TRPM4: variants seen among roughly 807,000 people sequenced by gnomAD.
TRPM4 encodes calcium-activated non-selective cation channel 1.
Under a neutral mutation model 135.6 loss-of-function variants are expected in TRPM4, and 124 were observed. The observed-to-expected ratio is 0.91, with a 90% CI of 0.79 to 1.06. TRPM4 has a LOEUF of 1.06. Among genes scored for constraint, TRPM4 ranks in the 50% least tolerant of loss-of-function variants. The pLI is 0.00. For synonymous variants in TRPM4, 745 were observed against 705.6 expected, an observed-to-expected ratio of 1.06 and a Z score of -0.88; for missense variants, 1,658 against 1,671.4, an observed-to-expected ratio of 0.99 and a Z score of 0.14.
chr19:49,182,237 T>TACCTTTCCATTCATCCATCCATCC (rs1568470573), intron 10 of TRPM4, among the ~76,000 whole-genome samples: 2 of 124,814 alleles, frequency 1.6e-5, no homozygotes, highest in African/African-American at 6.3e-5. Flanking sequence ...TCCATCCATC[T>TACCTTTCCATTCATCCATCCATCC]ATCCATCCAT....
intron 2 of TRPM4, among the ~76,000 whole-genome samples, chr19:49,165,622 G>A (rs1191572714): frequency 2.0e-5 from 3 of 152,084 alleles, no homozygotes; most frequent in Non-Finnish European, 2.9e-5. Context: ...GAAGCCGCTC[G>A]CCCAAAGTCA....
At chr19:49,170,535 A>G (rs1967413531) in intron 6 of TRPM4, among the ~76,000 whole-genome samples, 1 of 152,074 alleles carries the variant, frequency 6.6e-6, no homozygotes, top group African/African-American at 2.4e-5. Flanking sequence ...TGCTATCTTT[A>G]TGGTGCAATT....
At chr19:49,184,783 T>C (rs1347728648) in intron 12 of TRPM4, among the ~76,000 whole-genome samples, 1 of 151,856 alleles carries the variant, frequency 6.6e-6, no homozygotes, top group Non-Finnish European at 1.5e-5. Context: ...CCGGCCTCTG[T>C]AGTCTGTCTT....
At chr19:49,200,131 T>C (rs1248015223) in intron 17 of TRPM4, among the ~76,000 whole-genome samples, 169 bp from the exon 18 acceptor site, 2 of 152,172 alleles carry the variant, frequency 1.3e-5, no homozygotes, top group Admixed American at 6.5e-5. Context: ...GGGCCCTGCA[T>C]GGACCAGCTT....
In TRPM4 at chr19:49,171,745, G is replaced by A. The variant is rs778061419; in HGVS notation, c.1026G>A (p.Gly342=). The A allele has an allele frequency of 1.2e-6, 2 of 1,611,560 alleles. No individual in the cohort carries two copies. The highest frequency in any genetic ancestry group is 2.2e-5 in the East Asian group (1 of 44,870). The stretch of plus-strand genomic sequence containing the variant: ...GAATCAGGCGTTTCTTTCCCAAAGG[G>A]GACCTTGAGGTCCTGCAGGCCCAGG... ...RDRIRRFFPK[G]DLEVLQAQVE... The change falls in exon 8 of 25, where the codon GGG becomes GGA. Residue 342 remains glycine, a synonymous_variant. Transcript: ENST00000252826. This position sits in a 1 kb window ranked among gnomAD's most constrained non-coding sequence, Gnocchi z 4.7.
At chr19:49,193,142 A>G (rs988966599) in intron 16 of TRPM4, among the ~76,000 whole-genome samples, 7 of 145,028 alleles carry the variant, frequency 4.8e-5, no homozygotes, top group Admixed American at 7.1e-5. Flanking sequence ...GTGCAGTGGC[A>G]TGATCTCGGC....
intron 15 of TRPM4, 92 bp downstream of exon 15, chr19:49,190,412 GC>G: frequency 8.6e-7 from 1 of 1,166,166 alleles, no homozygotes; most frequent in Non-Finnish European, 1.3e-6. Flanking sequence ...TCCCTCATCG[GC>G]CCATTGTGTC....
intron 17 of TRPM4, 54 bp from the exon 18 acceptor site, chr19:49,200,246 T>C: frequency 1.9e-6 from 3 of 1,613,972 alleles, no homozygotes; most frequent in East Asian, 4.5e-5. Context: ...AAGACTTCCA[T>C]TTTCCTTGGC....
Position 49,188,740 on chromosome 19 carries a change from C to T in TRPM4, c.1843C>T (p.Leu615=), listed in dbSNP as rs532994978. 1.8e-4 allele frequency: 296 copies of T among 1,614,232 alleles called. 2 individuals are homozygous for T. The South Asian group carries it at 3.2e-3, about 17-fold the overall frequency. Residue 615 remains leucine, a synonymous_variant, in exon 13 of 25, where the codon CTG becomes TTG. Coordinates refer to ENST00000252826, the MANE Select transcript of TRPM4 (RefSeq NM_017636.4). The stretch of plus-strand genomic sequence containing the variant: ...TGAGGAGGCAGCACGGAGGAAAGAC[C>T]TGGCGTTCAAGTTTGAGGGGATGGG... ...DAEEAARRKD[L]AFKFEGMGVD... is the part of the protein sequence containing the mutation.
chr19:49,179,560 G>A (rs1257486615), intron 9 of TRPM4, among the ~76,000 whole-genome samples: 1 of 152,078 alleles, frequency 6.6e-6, no homozygotes, highest in Non-Finnish European at 1.5e-5. Flanking sequence ...GTGTTACCCA[G>A]GCTGGTCTCG....
chr19:49,187,690 C>T lies in TRPM4; in HGVS notation c.1744-951C>T, dbSNP rs371630318. Among the ~76,000 whole-genome samples the T allele has an allele frequency of 1.7e-4, 26 of 152,186 alleles. No homozygotes were observed. In the East Asian group the frequency reaches 3.9e-3, roughly 23 times the overall value. On this transcript the variant is annotated intron_variant, in intron 12 of 24. Transcript: ENST00000252826. ...AGTGTAATGGAGAAAGAGTAATTCG[C>T]GCAGAGCCGGCTGTGCGGGAGACCT...
Position 49,166,091 on chromosome 19 carries a change from C to T in TRPM4, c.143C>T (p.Ala48Val). ...CCCCGGACCGCCCACCCCGCAGTGG[C>T]CATGGAGGATGCCTTCGGGGCAGCC... ...GRPRTAHPAVAMEDAFGAAVV... is the reference protein window; with the variant it reads ...GRPRTAHPAVVMEDAFGAAVV... Residue 48 changes from alanine to valine, a missense_variant, in exon 3 of 25, where the codon GCC becomes GTC. This residue lies in a region of TRPM4 where 239 missense variants were observed against 240.1 expected (regional missense o/e 1.00). Coordinates refer to ENST00000252826, the MANE Select transcript of TRPM4 (RefSeq NM_017636.4). 6.2e-7 allele frequency: 1 copy of T among 1,603,928 alleles called. No homozygotes were observed. Among genetic ancestry groups the T allele is most frequent in the Non-Finnish European group, 8.5e-7 (1 of 1,176,332 alleles).
chr19:49,202,019 TC>T lies in TRPM4; in HGVS notation c.3011del (p.Pro1004LeufsTer119). ...SSEPGFWAHP[P>X]GAQAGTCVSQ... The stretch of plus-strand genomic sequence containing the variant: ...CGGAGCCCGGCTTCTGGGCACACCC[TC>T]CTGGGGCCCAGGCGGGCACCTGCGT... On this transcript the variant is annotated frameshift_variant, in exon 20 of 25. Coordinates refer to ENST00000252826, the MANE Select transcript of TRPM4 (RefSeq NM_017636.4). LOFTEE classifies it high-confidence loss of function. The T allele has an allele frequency of 6.2e-7, 1 of 1,613,720 alleles. No homozygotes were observed. The highest frequency in any genetic ancestry group is 8.5e-7 in the Non-Finnish European group (1 of 1,180,044).
rs142788545 is a variant in TRPM4, at chr19:49,168,558, G to A, written c.618G>A (p.Ser206=). 4,176 of 1,613,880 alleles carry A rather than the reference G, an allele frequency of 2.6e-3. 44 individuals carry two copies. The highest frequency in any genetic ancestry group is 0.021 in the South Asian group (1,870 of 91,084). The change falls in exon 6 of 25, where the codon TCG becomes TCA. Residue 206 remains serine, a synonymous_variant. Coordinates refer to ENST00000252826, the MANE Select transcript of TRPM4 (RefSeq NM_017636.4). Reference sequence around the variant, plus strand: ...TCTGGCCATTTTTCCCCTAGGGCTCGTTCCCTGCGAGGTACCGGTGGCGCG... The same window carrying A: ...TCTGGCCATTTTTCCCCTAGGGCTCATTCCCTGCGAGGTACCGGTGGCGCG... ...NRDTLINPKG[S]FPARYRWRGD...
In TRPM4 at chr19:49,211,106, G is replaced by T. The variant is rs765818541; in HGVS notation, c.3534+19G>T. On this transcript the variant is annotated intron_variant, in intron 23 of 24. Transcript: ENST00000252826. The surrounding 1 kb of genome is among the most constrained non-coding windows in gnomAD (Gnocchi z 4.8). ...GCGGGAGGTGAGGCCTTGGGGCCTG[G>T]CTGGGGGACTGTGGCAGGGGTCCCA... The T allele has an allele frequency of 6.2e-7, 1 of 1,613,608 alleles. No individual in the cohort carries two copies. Among genetic ancestry groups the T allele is most frequent in the Non-Finnish European group, 8.5e-7 (1 of 1,179,814 alleles).
intron 6 of TRPM4, among the ~76,000 whole-genome samples, chr19:49,169,430 A>G (rs1232055279): frequency 1.3e-5 from 1 of 79,586 alleles, no homozygotes; most frequent in South Asian, 4.7e-4. Context: ...GATTACAGGC[A>G]CGTGCCATCA....
Position 49,195,223 on chromosome 19 carries a change from A to G in TRPM4, c.2211-1217A>G, listed in dbSNP as rs187158397. Among the ~76,000 whole-genome samples the G allele has an allele frequency of 3.3e-5, 5 of 152,278 alleles. No individual in the cohort carries two copies. The East Asian group carries it at 5.8e-4, about 18-fold the overall frequency. On this transcript the variant is annotated intron_variant, in intron 16 of 24. Transcript: ENST00000252826. ...ATTTTCAAATATTGTCATCACTCCA[A>G]CAAGAAACTCTGTACATGCTTAGCA...
In TRPM4 at chr19:49,183,340, T is replaced by C. The variant is rs1968074605; in HGVS notation, c.1743+128T>C. Reference sequence around the variant, plus strand: ...TGACAGGCGCCCCATCCTCCGTCGCTGATATATGCCTCCAACTGCTTCCTC... The same window carrying C: ...TGACAGGCGCCCCATCCTCCGTCGCCGATATATGCCTCCAACTGCTTCCTC... On this transcript the variant is annotated intron_variant, in intron 12 of 24. Transcript: ENST00000252826. 6 of 1,126,384 alleles carry C rather than the reference T, an allele frequency of 5.3e-6. No homozygotes were observed. In the South Asian group the frequency reaches 7.8e-5, roughly 15 times the overall value. 69.8% of individuals were successfully genotyped at this position (1,126,384 alleles called of 1,614,324 possible).
intron 16 of TRPM4, among the ~76,000 whole-genome samples, chr19:49,195,412 C>A (rs1968592639): frequency 1.3e-5 from 2 of 152,140 alleles, no homozygotes; most frequent in Admixed American, 1.3e-4. Context: ...GCTCTCGTTG[C>A]CCAGGCTGGA....
Sources: gnomAD v4.1 joint callset for allele counts (sites outside exome capture counted in the v4.1 genomes callset) on GRCh38, gnomAD v4.1.1 for gene constraint, gnomAD v4.1.1 regional missense constraint, Gnocchi (gnomAD v3.1) non-coding constraint, MANE v1.5 for transcripts, NCBI Gene and HGNC (gene_info 2026-07-23, HGNC 2026-07-21) for gene names.